The following L3MBTL4 variants were observed in gnomAD, a reference collection of about 807,000 sequenced individuals.
L3MBTL4 encodes lethal(3)malignant brain tumor-like protein 4.
In L3MBTL4, 70 loss-of-function variants were observed where a neutral mutation model predicts 84.5. That is an observed-to-expected ratio of 0.83 (90% CI 0.68 to 1.01). L3MBTL4 has a LOEUF of 1.01. Among genes scored for constraint, L3MBTL4 ranks in the 50% least tolerant of loss-of-function variants. L3MBTL4 has a pLI of 0.00. For synonymous variants in L3MBTL4, 274 were observed against 259.8 expected (o/e 1.05, Z -0.52); for missense variants, 715 against 754.8 (o/e 0.95, Z 0.62).
chr18:6,299,908 G>C lies in L3MBTL4; in HGVS notation c.127+1995C>G, dbSNP rs767702982. Among the ~76,000 whole-genome samples the C allele has an allele frequency of 2.2e-4, 34 of 152,236 alleles. 1 individual carries two copies. The highest frequency in any genetic ancestry group is 3.4e-3 in the Middle Eastern group (1 of 294). On this transcript the variant is annotated intron_variant, in intron 4 of 18. Transcript: ENST00000317931. ...GCTGGTCTTGAACTCCCAAGCTCAA[G>C]AGATCCACCCGCCTTGGTCTCCCAA...
chr18:6,202,709 G>A (rs116927497), intron 12 of L3MBTL4, among the ~76,000 whole-genome samples: 1 of 152,232 alleles, frequency 6.6e-6, no homozygotes, highest in Non-Finnish European at 1.5e-5. Context: ...ATGACTCCCA[G>A]GTTTCTGTTT....
chr18:6,048,829 T>C (rs2056735602), intron 16 of L3MBTL4, among the ~76,000 whole-genome samples: 1 of 149,702 alleles, frequency 6.7e-6, no homozygotes, highest in African/African-American at 2.5e-5. Context: ...ACTGGTACAG[T>C]GTATACCTCC....
chr18:6,380,834 C>T lies in L3MBTL4; in HGVS notation c.-91+33967G>A, dbSNP rs1599847475. On this transcript the variant is annotated intron_variant, in intron 1 of 18. Coordinates refer to ENST00000317931, the MANE Select transcript of L3MBTL4 (RefSeq NM_001330559.2). ...GAGTTCTGTAGATGTCTATTAGGTC[C>T]ACTTGGTCCAGAGCTGAGTTCAAGT... Among the ~76,000 whole-genome samples the T allele has an allele frequency of 2.0e-5, 3 of 152,050 alleles. No homozygotes were observed. The South Asian group carries it at 6.2e-4, about 32-fold the overall frequency.
intron 4 of L3MBTL4, among the ~76,000 whole-genome samples, chr18:6,281,617 C>A (rs1250255004): frequency 6.6e-6 from 1 of 152,160 alleles, no homozygotes; most frequent in African/African-American, 2.4e-5. Context: ...CTCAAGCATC[C>A]TTTCTGTGTT....
Position 6,355,031 on chromosome 18 carries a change from C to A in L3MBTL4, c.-90-42975G>T, listed in dbSNP as rs114317948. On this transcript the variant is annotated intron_variant, in intron 1 of 18. Coordinates refer to ENST00000317931, the MANE Select transcript of L3MBTL4 (RefSeq NM_001330559.2). ...ACAATAGCCAAAATTTGGAAGCAAC[C>A]TAAGTGTCCATCAGGAGATGAACAG... Among the ~76,000 whole-genome samples the A allele has an allele frequency of 7.7e-3, 1,174 of 152,286 alleles. 13 individuals are homozygous for A. Among genetic ancestry groups the A allele is most frequent in the African/African-American group, 0.027 (1,135 of 41,558 alleles).
In L3MBTL4 at chr18:6,193,043, T is replaced by C. The variant is rs142929827; in HGVS notation, c.981+20106A>G. ...AGTTGGGATATTCAAAGAAATTATC[T>C]AGAAAAAAGATGGCGGTGGTCAGAA... On this transcript the variant is annotated intron_variant, in intron 12 of 18. Coordinates refer to ENST00000317931, the MANE Select transcript of L3MBTL4 (RefSeq NM_001330559.2). Among the ~76,000 whole-genome samples the C allele has an allele frequency of 4.0e-3, 614 of 151,974 alleles. 5 individuals are homozygous for C. Among genetic ancestry groups the C allele is most frequent in the African/African-American group, 0.014 (592 of 41,430 alleles).
At chr18:6,104,373 A>G (rs2058931218) in intron 14 of L3MBTL4, among the ~76,000 whole-genome samples, 2 of 152,244 alleles carry the variant, frequency 1.3e-5, no homozygotes. Context: ...GTATATACAT[A>G]CAATGGTATA....
chr18:6,024,563 CT>C (rs1192385476), intron 16 of L3MBTL4, among the ~76,000 whole-genome samples: 1 of 152,168 alleles, frequency 6.6e-6, no homozygotes, highest in East Asian at 1.9e-4. Flanking sequence ...AAACTTCCTA[CT>C]TTCCCCCCTC....
chr18:5,976,263 T>A lies in L3MBTL4; in HGVS notation c.1445-6701A>T, dbSNP rs141279222. On this transcript the variant is annotated intron_variant, in intron 16 of 18. Coordinates refer to ENST00000317931, the MANE Select transcript of L3MBTL4 (RefSeq NM_001330559.2). ...ATTTTTTGAATCTTGATTTACATGT[T>A]GAAATGATGTTTTGGATCTATTGGG... Among the ~76,000 whole-genome samples the A allele has an allele frequency of 2.0e-5, 3 of 152,396 alleles. No individual in the cohort carries two copies. The East Asian group carries it at 5.8e-4, about 29-fold the overall frequency.
intron 1 of L3MBTL4, among the ~76,000 whole-genome samples, chr18:6,335,700 C>T (rs1014002642): frequency 2.0e-5 from 3 of 152,140 alleles, no homozygotes; most frequent in Middle Eastern, 6.3e-3. Context: ...CCATGCTGTT[C>T]TGATGGTGAG....
At chr18:6,163,694 A>G (rs932727353) in intron 13 of L3MBTL4, among the ~76,000 whole-genome samples, 1 of 152,170 alleles carries the variant, frequency 6.6e-6, no homozygotes, top group East Asian at 1.9e-4. Context: ...AAAGTGAATT[A>G]GAGGGTGAAG....
At chr18:6,214,786 C>A (rs77730701) in intron 11 of L3MBTL4, among the ~76,000 whole-genome samples, 6,043 of 152,270 alleles carry the variant, frequency 0.04, 399 homozygotes, top group African/African-American at 0.14. Flanking sequence ...CATCCCTGAG[C>A]TGAATCCACA....
chr18:5,996,406 G>A (rs998267009), intron 16 of L3MBTL4, among the ~76,000 whole-genome samples: 23 of 152,208 alleles, frequency 1.5e-4, no homozygotes, highest in Admixed American at 1.4e-3. Flanking sequence ...AAAATGGAGC[G>A]CTGGCAGTGA....
chr18:6,017,927 G>A (rs923179510), intron 16 of L3MBTL4: 1 of 152,170 alleles, frequency 6.6e-6, no homozygotes, highest in Non-Finnish European at 1.5e-5. Context: ...AGCCATGATT[G>A]TCTTGGAGTT....
At chr18:6,388,529 G>T (rs341201) in intron 1 of L3MBTL4, among the ~76,000 whole-genome samples, 76,963 of 151,960 alleles carry the variant, frequency 0.51, 19,560 homozygotes, top group East Asian at 0.59. Context: ...TGAGAAAAGT[G>T]AGTTCCAGTG....
At chr18:6,355,214 A>G (rs901378548) in intron 1 of L3MBTL4, among the ~76,000 whole-genome samples, 1 of 152,216 alleles carries the variant, frequency 6.6e-6, no homozygotes, top group Non-Finnish European at 1.5e-5. Context: ...CAAAGGATAA[A>G]TGCTTGAGAG....
At position 6,157,672 on chromosome 18, in the gene L3MBTL4, A is replaced by C. The variant is rs565290718; in HGVS notation, c.1096+14156T>G. ...GTGCTATTATGCCTGTTTATGTTTAACTGTTAAATAAATTAGCAATGTTCT... is the reference window on the plus strand; with the variant it reads ...GTGCTATTATGCCTGTTTATGTTTACCTGTTAAATAAATTAGCAATGTTCT... On this transcript the variant is annotated intron_variant, in intron 13 of 18. Coordinates refer to ENST00000317931, the MANE Select transcript of L3MBTL4 (RefSeq NM_001330559.2). 2.6e-5 allele frequency among the ~76,000 whole-genome samples: 4 copies of C among 152,310 alleles called. No homozygotes were observed. In the East Asian group the frequency reaches 7.7e-4, roughly 29 times the overall value.
chr18:6,221,438 A>AAATCTATCTGTCTATTG (rs2046548814), intron 10 of L3MBTL4, among the ~76,000 whole-genome samples: 5 of 152,198 alleles, frequency 3.3e-5, no homozygotes, highest in African/African-American at 1.2e-4. Context: ...CACAATAGAC[A>AAATCTATCTGTCTATTG]GAATGTTCAG....
chr18:6,217,346 T>G (rs1426150208), intron 10 of L3MBTL4, among the ~76,000 whole-genome samples: 1 of 152,190 alleles, frequency 6.6e-6, no homozygotes, highest in Non-Finnish European at 1.5e-5. Context: ...ATTTGTTTTC[T>G]TCTGTTTTTC....
Sources: allele counts gnomAD v4.1 joint callset (sites outside exome capture counted in the v4.1 genomes callset), GRCh38; gene constraint gnomAD v4.1.1; transcripts MANE v1.5; gene names NCBI Gene and HGNC (gene_info 2026-07-23, HGNC 2026-07-21).